NOTCH2NLB: variants seen among roughly 807,000 people sequenced by gnomAD.
The protein encoded by NOTCH2NLB is notch 2 N-terminal like B.
NOTCH2NLB carries 1 observed loss-of-function variant against 14.8 expected under a neutral mutation model. The ratio of observed to expected loss-of-function variants is 0.07; its 90% CI spans 0.02 to 0.32. The LOEUF is 0.32. Among genes scored for constraint, NOTCH2NLB ranks in the 10% least tolerant of loss-of-function variants. NOTCH2NLB has a pLI of 1.00. For synonymous variants in NOTCH2NLB, 6 were observed against 57.5 expected (o/e 0.10, Z 4.05); for missense variants, 11 against 155.0 (o/e 0.07, Z 4.93).
In NOTCH2NLB at chr1:148,608,336, G is replaced by A. The variant is rs1461648400; in HGVS notation, c.338-591C>T. On this transcript the variant is annotated intron_variant, in intron 3 of 4. Transcript: ENST00000593495. The stretch of plus-strand genomic sequence containing the variant: ...CAGGAGGCGGAGGTTGCAGTGAGCC[G>A]AGATTGTACCACTGCACTCCAGCCT... Among the ~76,000 whole-genome samples the A allele has an allele frequency of 5.1e-5, 7 of 136,188 alleles. 1 individual carries two copies. The East Asian group carries it at 8.1e-4, about 16-fold the overall frequency. The allele number at this position is 136,188 out of a possible 152,430, so 89.3% of individuals were successfully genotyped here. A position where few individuals can be genotyped will look rare whatever the true frequency, so the allele number is the denominator to read the frequency against.
intron 2 of NOTCH2NLB, among the ~76,000 whole-genome samples, chr1:148,632,877 AT>A (rs1172353492): frequency 8.7e-6 from 1 of 114,346 alleles, no homozygotes; most frequent in African/African-American, 4.5e-5. Context: ...AATATCCTCT[AT>A]CCCCACCTTC....
the NOTCH2NLB span, among the ~76,000 whole-genome samples, chr1:148,712,435 A>G: frequency 2.0e-5 from 3 of 152,368 alleles, no homozygotes; most frequent in African/African-American, 7.2e-5. Context: ...TACCAGCTGC[A>G]TTTGGCTGGG....
intron 1 of NOTCH2NLB, among the ~76,000 whole-genome samples, chr1:148,675,242 CAAAG>C (rs1375189867): frequency 4.2e-5 from 1 of 24,080 alleles, no homozygotes; most frequent in African/African-American, 1.2e-4. Flanking sequence ...ACCCCACACA[CAAAG>C]AAATTCAAAA....
intron 3 of NOTCH2NLB, among the ~76,000 whole-genome samples, chr1:148,613,442 T>C (rs1226753454): frequency 1.3e-5 from 2 of 149,852 alleles, no homozygotes; most frequent in Admixed American, 6.7e-5. Context: ...GTCAGTGGGC[T>C]GGGGAAGGCA....
chr1:148,649,913 T>C (rs1664459312), intron 1 of NOTCH2NLB, among the ~76,000 whole-genome samples: 1 of 97,162 alleles, frequency 1.0e-5, no homozygotes, highest in Non-Finnish European at 2.1e-5. Context: ...CTTCTTGCTA[T>C]ACACACAAAA....
chr1:148,701,159 C>T, the NOTCH2NLB span, among the ~76,000 whole-genome samples: 7 of 82,702 alleles, frequency 8.5e-5, no homozygotes, highest in East Asian at 1.2e-3. Context: ...TTCATGCAAA[C>T]GAAGATTAAA....
intron 2 of NOTCH2NLB, among the ~76,000 whole-genome samples, chr1:148,638,749 TA>T (rs1664274194): frequency 6.7e-6 from 1 of 149,392 alleles, no homozygotes; most frequent in Non-Finnish European, 1.5e-5. Context: ...TTTATAACAT[TA>T]AAAAACTAAA....
upstream of NOTCH2NLB, among the ~76,000 whole-genome samples, chr1:148,684,653 C>CA (rs1170325081): frequency 6.3e-5 from 7 of 111,274 alleles, no homozygotes; most frequent in African/African-American, 2.2e-4. Flanking sequence ...TAAGGAAGGA[C>CA]ACAGTGGCCC....
At chr1:148,631,167 C>CA (rs1664098186) in intron 2 of NOTCH2NLB, among the ~76,000 whole-genome samples, 1 of 137,770 alleles carries the variant, frequency 7.3e-6, no homozygotes, top group African/African-American at 3.1e-5. Context: ...AAATCCTAAT[C>CA]AGATTATTTT....
downstream of NOTCH2NLB, among the ~76,000 whole-genome samples, chr1:148,602,286 GA>G (rs1266174356): frequency 4.1e-5 from 2 of 49,206 alleles, no homozygotes; most frequent in Non-Finnish European, 6.7e-5. Context: ...AAAAAGAAAA[GA>G]AAAGAAAATG....
At chr1:148,608,242 C>G (rs1489669273) in intron 3 of NOTCH2NLB, among the ~76,000 whole-genome samples, 4 of 136,928 alleles carry the variant, frequency 2.9e-5, no homozygotes, top group Non-Finnish European at 6.1e-5. Context: ...CAAAAATTAG[C>G]TGGGCATGGT....
At chr1:148,649,665 C>A (rs1359096375) in intron 1 of NOTCH2NLB, among the ~76,000 whole-genome samples, 3 of 151,918 alleles carry the variant, frequency 2.0e-5, no homozygotes, top group South Asian at 4.2e-4. Flanking sequence ...TGCCCGCCAC[C>A]ACAACCGGCT....
chr1:148,604,946 C>CAT (rs1215960580), downstream of NOTCH2NLB, among the ~76,000 whole-genome samples: 12 of 110,812 alleles, frequency 1.1e-4, no homozygotes, highest in East Asian at 5.1e-4. Flanking sequence ...TGCACAACGC[C>CAT]ATATACACAC....
chr1:148,645,608 G>T, intron 1 of NOTCH2NLB, among the ~76,000 whole-genome samples: 1 of 148,168 alleles, frequency 6.7e-6, no homozygotes. Flanking sequence ...GATCGTCATT[G>T]AACTCAGTTC....
At chr1:148,628,477 A>AT (rs1179163357) in intron 2 of NOTCH2NLB, among the ~76,000 whole-genome samples, 4 of 74,270 alleles carry the variant, frequency 5.4e-5, no homozygotes, top group African/African-American at 3.6e-4. Flanking sequence ...GTCTAAAAGG[A>AT]TTTTCCTAGA....
At chr1:148,712,452 T>A in the NOTCH2NLB span, among the ~76,000 whole-genome samples, 1 of 152,272 alleles carries the variant, frequency 6.6e-6, no homozygotes, top group South Asian at 2.1e-4. Context: ...TGGGCTTTCC[T>A]GGGAATATGT....
intron 1 of NOTCH2NLB, among the ~76,000 whole-genome samples, chr1:148,670,510 T>G (rs1384201679): frequency 3.8e-5 from 5 of 132,894 alleles, no homozygotes; most frequent in Non-Finnish European, 6.5e-5. Context: ...TATATATATA[T>G]GTAGATCTGT....
At chr1:148,670,051 C>T (rs1383206978) in intron 1 of NOTCH2NLB, among the ~76,000 whole-genome samples, 3 of 65,004 alleles carry the variant, frequency 4.6e-5, no homozygotes, top group African/African-American at 9.5e-5. Flanking sequence ...TGCTGATTTA[C>T]GATACAGTCA....
intron 2 of NOTCH2NLB, among the ~76,000 whole-genome samples, chr1:148,637,969 C>T (rs1664250679): frequency 6.8e-6 from 1 of 147,896 alleles, no homozygotes; most frequent in Non-Finnish European, 1.5e-5. Flanking sequence ...ATACATGCCA[C>T]ATTTTCTTTA....
Sources: gnomAD v4.1 joint callset for allele counts (sites outside exome capture counted in the v4.1 genomes callset) on GRCh38, gnomAD v4.1.1 for gene constraint, MANE v1.5 for transcripts, NCBI Gene and HGNC (gene_info 2026-07-23, HGNC 2026-07-21) for gene names.